The following ZCWPW2 variants were observed in gnomAD, a reference collection of about 807,000 sequenced individuals.
The protein encoded by ZCWPW2 is zinc finger CW-type PWWP domain protein 2.
Under a neutral mutation model 46.6 loss-of-function variants are expected in ZCWPW2, and 45 were observed. That is an observed-to-expected ratio of 0.96 (90% CI 0.76 to 1.24). The LOEUF (loss-of-function observed/expected upper bound fraction) is 1.24. Ranked by LOEUF, ZCWPW2 falls within the 50% of genes most tolerant of loss-of-function variation. ZCWPW2 has a pLI of 0.00. For missense variants in ZCWPW2, 429 were observed against 403.9 expected (o/e 1.06, Z -0.53); for synonymous variants, 152 against 137.1 (o/e 1.11, Z -0.76).
chr3:28,466,797 CAAAATA>C (rs552373110), intron 4 of ZCWPW2, among the ~76,000 whole-genome samples: 16 of 151,614 alleles, frequency 1.1e-4, no homozygotes, highest in African/African-American at 2.9e-4. Context: ...GACTCTGTCT[CAAAATA>C]AAAATAAAAA....
At chr3:28,508,810 G>A (rs1700347694) in intron 6 of ZCWPW2, among the ~76,000 whole-genome samples, 1 of 152,188 alleles carries the variant, frequency 6.6e-6, no homozygotes, top group Non-Finnish European at 1.5e-5. Context: ...TTACAGGCGT[G>A]AGCCACTACT....
At chr3:28,409,130 T>C (rs1172759935) in intron 2 of ZCWPW2, among the ~76,000 whole-genome samples, 4 of 142,892 alleles carry the variant, frequency 2.8e-5, no homozygotes, top group South Asian at 2.3e-4. Flanking sequence ...TTCTTTTTTT[T>C]TTTTTTTTTT....
chr3:28,405,140 A>G (rs1696107652), intron 2 of ZCWPW2, among the ~76,000 whole-genome samples: 1 of 152,244 alleles, frequency 6.6e-6, no homozygotes, highest in Admixed American at 6.5e-5. Context: ...AAGCTTATTC[A>G]TATAAACGTA....
At chr3:28,370,265 G>C (rs1451623967) in intron 1 of ZCWPW2, among the ~76,000 whole-genome samples, 1 of 152,170 alleles carries the variant, frequency 6.6e-6, no homozygotes, top group Non-Finnish European at 1.5e-5. Context: ...GGGAACTGTA[G>C]ACTGGAGCTG....
intron 1 of ZCWPW2, among the ~76,000 whole-genome samples, chr3:28,362,712 CTCATT>C (rs1704988244): frequency 1.3e-5 from 2 of 152,106 alleles, no homozygotes; most frequent in South Asian, 4.1e-4. Context: ...ACCTAGCAAT[CTCATT>C]TCATACCCGA....
chr3:28,466,311 T>G (rs147512740), intron 4 of ZCWPW2, among the ~76,000 whole-genome samples: 2 of 152,270 alleles, frequency 1.3e-5, no homozygotes, highest in Non-Finnish European at 2.9e-5. Flanking sequence ...GTAATGGACC[T>G]GAACATGTGC....
chr3:28,518,059 C>T (rs1338213640), intron 8 of ZCWPW2, among the ~76,000 whole-genome samples: 3 of 148,116 alleles, frequency 2.0e-5, no homozygotes, highest in Non-Finnish European at 3.0e-5. Context: ...TTTCTTGAAC[C>T]TGGGAGGTGG....
chr3:28,472,887 A>AT (rs1434193350), intron 4 of ZCWPW2, among the ~76,000 whole-genome samples: 5 of 152,006 alleles, frequency 3.3e-5, no homozygotes, highest in Admixed American at 6.5e-5. Flanking sequence ...GAAAAAAAAA[A>AT]CAAACTAATA....
intron 2 of ZCWPW2, among the ~76,000 whole-genome samples, chr3:28,396,079 G>A (rs1289394754): frequency 6.6e-6 from 1 of 152,108 alleles, no homozygotes. Flanking sequence ...AGCAGGGTCA[G>A]TAGAGAGTTT....
In ZCWPW2 at chr3:28,514,862, T is replaced by C. The variant is rs367658557; in HGVS notation, c.717-692T>C. On this transcript the variant is annotated intron_variant, in intron 7 of 9. Coordinates refer to ENST00000383768, the MANE Select transcript of ZCWPW2 (RefSeq NM_001040432.4). ...TAAAGAATGGTAATCAGTGCTGTGT[T>C]AGGAGGGGTCCTACTCAAAAACAAG... 4.6e-5 allele frequency among the ~76,000 whole-genome samples: 7 copies of C among 152,174 alleles called. No homozygotes were observed. In the East Asian group the frequency reaches 5.8e-4, roughly 13 times the overall value.
chr3:28,451,065 G>T (rs561226128), intron 4 of ZCWPW2, among the ~76,000 whole-genome samples: 1 of 152,184 alleles, frequency 6.6e-6, no homozygotes, highest in South Asian at 2.1e-4. Flanking sequence ...TTCTTTCCAT[G>T]GCACAGTGAC....
intron 5 of ZCWPW2, among the ~76,000 whole-genome samples, chr3:28,484,641 A>G (rs1699534615): frequency 6.6e-6 from 1 of 151,754 alleles, no homozygotes; most frequent in Non-Finnish European, 1.5e-5. Flanking sequence ...TTCATTTCTA[A>G]TATTAGTAAT....
intron 4 of ZCWPW2, among the ~76,000 whole-genome samples, chr3:28,472,609 A>G (rs1333897273): frequency 6.6e-6 from 1 of 152,208 alleles, no homozygotes; most frequent in East Asian, 1.9e-4. Flanking sequence ...ACCTCAAACT[A>G]TGAAACTACT....
chr3:28,400,254 A>G (rs902158051), intron 2 of ZCWPW2, among the ~76,000 whole-genome samples: 7 of 152,096 alleles, frequency 4.6e-5, no homozygotes, highest in African/African-American at 1.7e-4. Flanking sequence ...ACAACAAAAA[A>G]GAAAATATGA....
chr3:28,511,188 G>A, intron 6 of ZCWPW2: 1 of 390,144 alleles, frequency 2.6e-6, no homozygotes, highest in South Asian at 1.9e-5. Flanking sequence ...AACTCAGGAA[G>A]TCATTCAACT....
chr3:28,475,583 G>T (rs1388483064), intron 4 of ZCWPW2, among the ~76,000 whole-genome samples: 2 of 152,134 alleles, frequency 1.3e-5, no homozygotes, highest in Non-Finnish European at 1.5e-5. Flanking sequence ...GCTTGCAAAG[G>T]CCTTGATGAT....
chr3:28,362,378 G>C (rs1413657924), intron 1 of ZCWPW2, among the ~76,000 whole-genome samples: 3 of 151,990 alleles, frequency 2.0e-5, no homozygotes, highest in Non-Finnish European at 4.4e-5. Context: ...GAACTTAAGT[G>C]TACAAACAAA....
intron 6 of ZCWPW2, among the ~76,000 whole-genome samples, chr3:28,507,463 TG>T (rs1288086118): frequency 1.3e-5 from 2 of 152,024 alleles, no homozygotes; most frequent in African/African-American, 2.4e-5. Context: ...TTGGAGATGG[TG>T]GTCAGTGATT....
At chr3:28,414,604 C>A (rs1696564269) in intron 3 of ZCWPW2, among the ~76,000 whole-genome samples, 1 of 111,574 alleles carries the variant, frequency 9.0e-6, no homozygotes, top group South Asian at 4.1e-4. Flanking sequence ...CTATCCCTCC[C>A]CCCTCCCCCC....
Sources: gnomAD v4.1 joint callset for allele counts (sites outside exome capture counted in the v4.1 genomes callset) on GRCh38, gnomAD v4.1.1 for gene constraint, MANE v1.5 for transcripts, NCBI Gene and HGNC (gene_info 2026-07-23, HGNC 2026-07-21) for gene names.